Variants in GRAP2 observed in about 807,000 individuals in gnomAD.
GRAP2 encodes GRB2 related adaptor protein 2.
In GRAP2, 31 loss-of-function variants were observed where a neutral mutation model predicts 43.5. The observed-to-expected ratio is 0.71, with a 90% CI of 0.54 to 0.96. GRAP2 has a LOEUF of 0.96. Ranked by LOEUF, GRAP2 falls within the 40% of genes least tolerant of loss-of-function variation. The pLI is 0.00. For missense variants in GRAP2, 371 were observed against 424.4 expected (o/e 0.87, Z 1.11); for synonymous variants, 156 against 164.8 (o/e 0.95, Z 0.41).
intron 1 of GRAP2, among the ~76,000 whole-genome samples, chr22:39,904,293 C>T (rs929890737): frequency 5.3e-5 from 8 of 152,204 alleles, no homozygotes; most frequent in African/African-American, 1.9e-4. Context: ...GAGACTGAGG[C>T]ACGAGAATTG....
intron 1 of GRAP2, among the ~76,000 whole-genome samples, chr22:39,941,963 A>G (rs1242387389): frequency 6.6e-6 from 1 of 152,098 alleles, no homozygotes; most frequent in Non-Finnish European, 1.5e-5. Context: ...TGGAGGGGAT[A>G]GGCAGGTGTG....
At chr22:39,931,916 C>T (rs1370051897) in intron 1 of GRAP2, among the ~76,000 whole-genome samples, 1 of 152,078 alleles carries the variant, frequency 6.6e-6, no homozygotes, top group Non-Finnish European at 1.5e-5. Flanking sequence ...CAGCAAATAA[C>T]ACAAGAAAGG....
intron 1 of GRAP2, among the ~76,000 whole-genome samples, chr22:39,916,517 A>C (rs565466135): frequency 1.3e-5 from 2 of 152,360 alleles, no homozygotes; most frequent in African/African-American, 2.4e-5. Flanking sequence ...TTATATTTTA[A>C]ATTGAATGTA....
intron 4 of GRAP2, chr22:39,964,507 G>A (rs1021486452): frequency 2.0e-6 from 2 of 1,025,170 alleles, no homozygotes; most frequent in Non-Finnish European, 3.0e-6. Context: ...GGTGCTAAAA[G>A]CGAAGGTCGT....
chr22:39,929,556 C>A (rs1306360382), intron 1 of GRAP2, among the ~76,000 whole-genome samples: 1 of 152,182 alleles, frequency 6.6e-6, no homozygotes, highest in Non-Finnish European at 1.5e-5. Context: ...GCATCTTTGT[C>A]CTCCTTCTTT....
chr22:39,967,139 T>G (rs1217243923), intron 5 of GRAP2, among the ~76,000 whole-genome samples: 1 of 152,240 alleles, frequency 6.6e-6, no homozygotes, highest in Non-Finnish European at 1.5e-5. Context: ...ATTGAGACTG[T>G]GAAAGCAATG....
chr22:39,970,491 G>T (rs2067228212), intron 7 of GRAP2, among the ~76,000 whole-genome samples: 1 of 152,236 alleles, frequency 6.6e-6, no homozygotes, highest in East Asian at 1.9e-4. Context: ...TATTGATGTG[G>T]AGAGAGTGGT....
At chr22:39,906,651 A>C (rs2066525523) in intron 1 of GRAP2, among the ~76,000 whole-genome samples, 1 of 152,158 alleles carries the variant, frequency 6.6e-6, no homozygotes. Context: ...AAAGCAGCCT[A>C]ATTGATCAAT....
intron 1 of GRAP2, among the ~76,000 whole-genome samples, chr22:39,929,730 T>C (rs2066738723): frequency 6.6e-6 from 1 of 152,206 alleles, no homozygotes; most frequent in Non-Finnish European, 1.5e-5. Context: ...TATATTGGAA[T>C]AGCACCCAAA....
chr22:39,931,220 T>C (rs1300663571), intron 1 of GRAP2, among the ~76,000 whole-genome samples: 1 of 152,134 alleles, frequency 6.6e-6, no homozygotes, highest in Non-Finnish European at 1.5e-5. Context: ...CAAGACAGCC[T>C]TGTGAAGTTA....
intron 1 of GRAP2, among the ~76,000 whole-genome samples, chr22:39,926,287 G>A (rs1569197990): frequency 6.6e-6 from 1 of 152,054 alleles, no homozygotes; most frequent in Admixed American, 6.5e-5. Context: ...ACATCAAAAT[G>A]AGCCTATCCT....
chr22:39,944,978 C>A (rs1042572123), intron 1 of GRAP2, among the ~76,000 whole-genome samples: 2 of 152,170 alleles, frequency 1.3e-5, no homozygotes, highest in African/African-American at 2.4e-5. Flanking sequence ...CTGTTGATAC[C>A]ATGAGGATGA....
chr22:39,900,363 A>G (rs1384648051), upstream of GRAP2, among the ~76,000 whole-genome samples: 2 of 152,206 alleles, frequency 1.3e-5, no homozygotes, highest in African/African-American at 2.4e-5. Flanking sequence ...GGTGCCACTT[A>G]GCAAGTAGCA....
chr22:39,928,704 A>G (rs914533634), intron 1 of GRAP2, among the ~76,000 whole-genome samples: 2 of 152,226 alleles, frequency 1.3e-5, no homozygotes, highest in African/African-American at 2.4e-5. Flanking sequence ...GTGCGATGTC[A>G]TAAACCGAAC....
At chr22:39,948,325 C>T (rs950158520) in intron 2 of GRAP2, 3 of 152,062 alleles carry the variant, frequency 2.0e-5, no homozygotes, top group Non-Finnish European at 4.4e-5. Context: ...ACCTGTCTGT[C>T]ACTGCTTTGG....
chr22:39,963,444 C>A (rs1464232844), intron 4 of GRAP2, among the ~76,000 whole-genome samples: 1 of 152,162 alleles, frequency 6.6e-6, no homozygotes, highest in Non-Finnish European at 1.5e-5. Flanking sequence ...TATAATATCA[C>A]AAGAATATTT....
At chr22:39,936,264 C>A (rs944145844) in intron 1 of GRAP2, among the ~76,000 whole-genome samples, 5 of 151,800 alleles carry the variant, frequency 3.3e-5, no homozygotes, top group Admixed American at 6.6e-5. Flanking sequence ...GGGTGGGGGG[C>A]GGTATTTTTA....
At chr22:39,943,186 C>A (rs2066887703) in intron 1 of GRAP2, among the ~76,000 whole-genome samples, 3 of 152,204 alleles carry the variant, frequency 2.0e-5, no homozygotes, top group Admixed American at 2.0e-4. Flanking sequence ...AACAAATCCA[C>A]TTATAATCTG....
intron 1 of GRAP2, among the ~76,000 whole-genome samples, chr22:39,939,127 T>TGG (rs2145620912): frequency 6.6e-6 from 1 of 152,298 alleles, no homozygotes; most frequent in South Asian, 2.1e-4. Context: ...AGGGTTTTGC[T>TGG]GGGGGTATAT....
Sources: gnomAD v4.1 joint callset for allele counts (sites outside exome capture counted in the v4.1 genomes callset) on GRCh38, gnomAD v4.1.1 for gene constraint, MANE v1.5 for transcripts, NCBI Gene and HGNC (gene_info 2026-07-23, HGNC 2026-07-21) for gene names.